Variants in CNOT9 observed in about 807,000 individuals in gnomAD.
The protein encoded by CNOT9 is RCD1 required for cell differentiation1 homolog.
Under a neutral mutation model 37.4 loss-of-function variants are expected in CNOT9, and 8 were observed. The ratio of observed to expected loss-of-function variants is 0.21; its 90% CI spans 0.13 to 0.39. CNOT9 has a LOEUF of 0.39. Among genes scored for constraint, CNOT9 ranks in the 10% least tolerant of loss-of-function variants. The pLI is 1.00. For missense variants in CNOT9, 154 were observed against 365.3 expected, an observed-to-expected ratio of 0.42 and a Z score of 4.71; for synonymous variants, 120 against 137.6, an observed-to-expected ratio of 0.87 and a Z score of 0.90.
At chr2:218,574,458 T>C (rs1671538469) in intron 1 of CNOT9, among the ~76,000 whole-genome samples, 1 of 152,218 alleles carries the variant, frequency 6.6e-6, no homozygotes, top group African/African-American at 2.4e-5. Flanking sequence ...AAGGGAATAT[T>C]AAATTTAAGA....
chr2:218,583,909 A>G (rs959956877), intron 3 of CNOT9, among the ~76,000 whole-genome samples: 1 of 152,250 alleles, frequency 6.6e-6, no homozygotes, highest in Non-Finnish European at 1.5e-5. Flanking sequence ...AACTGTTTTC[A>G]GAATGGTTTG....
intron 5 of CNOT9, among the ~76,000 whole-genome samples, chr2:218,588,762 A>G (rs1694682309): frequency 6.8e-6 from 1 of 146,228 alleles, no homozygotes; most frequent in Middle Eastern, 3.4e-3. Flanking sequence ...TTTAGTAGAG[A>G]TTGGGTTTTG....
chr2:218,593,641 G>C (rs759017946), intron 7 of CNOT9: 41 of 1,372,058 alleles, frequency 3.0e-5, no homozygotes, highest in Non-Finnish European at 3.9e-5. Flanking sequence ...CTCTTATTAA[G>C]GTTTTTAACC....
chr2:218,590,941 T>TCTTGACC (rs1694753299), intron 5 of CNOT9, among the ~76,000 whole-genome samples: 1 of 152,146 alleles, frequency 6.6e-6, no homozygotes, highest in Non-Finnish European at 1.5e-5. Context: ...TCCTCCCACC[T>TCTTGACC]TGGCCTCCCA....
chr2:218,576,307 A>G (rs947107524), intron 1 of CNOT9, among the ~76,000 whole-genome samples: 8 of 152,216 alleles, frequency 5.3e-5, no homozygotes, highest in African/African-American at 1.9e-4. Flanking sequence ...ATAACTCAAA[A>G]TATAAGAATA....
chr2:218,585,328 C>G (rs1026092310), intron 4 of CNOT9, among the ~76,000 whole-genome samples: 1 of 152,148 alleles, frequency 6.6e-6, no homozygotes, highest in Non-Finnish European at 1.5e-5. Flanking sequence ...ACCTGTAATT[C>G]TCCCATAACT....
At chr2:218,573,796 A>T (rs1403406418) in intron 1 of CNOT9, 2 of 231,588 alleles carry the variant, frequency 8.6e-6, no homozygotes, top group Non-Finnish European at 1.8e-5. Context: ...ACTTTGGTAA[A>T]TACCTTATCT....
intron 2 of CNOT9, chr2:218,581,170 C>CA (rs1559246155): frequency 1.2e-5 from 3 of 246,102 alleles, no homozygotes; most frequent in Non-Finnish European, 2.5e-5. Flanking sequence ...GTTTGTTTTT[C>CA]TTTTTTTTTT....
At chr2:218,584,837 G>A in intron 4 of CNOT9, 116 bp downstream of exon 4, 1 of 755,628 alleles carries the variant, frequency 1.3e-6, no homozygotes, top group Non-Finnish European at 2.4e-6. Flanking sequence ...TTGTCTTTGA[G>A]GTTGTCTCAT....
intron 1 of CNOT9, among the ~76,000 whole-genome samples, chr2:218,571,667 G>T (rs1034905410): frequency 6.6e-6 from 1 of 150,918 alleles, no homozygotes; most frequent in African/African-American, 2.4e-5. Flanking sequence ...CGCCTCCTGG[G>T]TTCAAGCAAT....
At chr2:218,584,774 A>T (rs373907787) in intron 4 of CNOT9, 53 bp downstream of exon 4, 1 of 1,289,198 alleles carries the variant, frequency 7.8e-7, no homozygotes. Context: ...TAGTAGTCTA[A>T]GTTGGGTGTT....
At chr2:218,583,765 A>G (rs1451138347) in intron 3 of CNOT9, among the ~76,000 whole-genome samples, 2 of 152,188 alleles carry the variant, frequency 1.3e-5, no homozygotes, top group African/African-American at 4.8e-5. Context: ...TTACTAAGAA[A>G]ATTACTTTTA....
chr2:218,593,725 TAA>T, intron 7 of CNOT9: 5 of 1,230,464 alleles, frequency 4.1e-6, no homozygotes, highest in South Asian at 2.7e-5. Flanking sequence ...TAAGTTATCA[TAA>T]GTTTGATGAT....
chr2:218,573,722 A>G (rs568634757), intron 1 of CNOT9: 1 of 154,434 alleles, frequency 6.5e-6, no homozygotes, highest in African/African-American at 2.4e-5. Flanking sequence ...ATCTTTCAGA[A>G]ATAGAAGACC....
At chr2:218,593,762 G>T in intron 7 of CNOT9, 2 of 1,204,380 alleles carry the variant, frequency 1.7e-6, no homozygotes, top group Non-Finnish European at 2.1e-6. Context: ...ACTGATTTTT[G>T]AATTATTTTA....
rs1694938931 is a variant in CNOT9, at chr2:218,596,869, C to T, written c.*2593C>T. The T allele has an allele frequency of 6.6e-6, 1 of 152,220 alleles. No homozygotes were observed. Among genetic ancestry groups the T allele is most frequent in the South Asian group, 2.1e-4 (1 of 4,830 alleles). The allele number at this position is 152,220 out of a possible 1,614,324, so 9.4% of individuals were successfully genotyped here. Reference sequence around the variant, plus strand: ...TTTCCATGCCTGGCTGTCAGTGGGACACAGCTGCCCTATGCTTCCACGTTC... The same window carrying T: ...TTTCCATGCCTGGCTGTCAGTGGGATACAGCTGCCCTATGCTTCCACGTTC... On this transcript the variant is annotated 3_prime_UTR_variant, in exon 8 of 8. Coordinates refer to ENST00000273064, the MANE Select transcript of CNOT9 (RefSeq NM_005444.3).
intron 3 of CNOT9, among the ~76,000 whole-genome samples, chr2:218,584,213 G>C (rs1305004439): frequency 6.6e-6 from 1 of 152,128 alleles, no homozygotes; most frequent in African/African-American, 2.4e-5. Context: ...CTTAACCACT[G>C]TGATCTGGAC....
chr2:218,593,651 C>T, intron 7 of CNOT9: 1 of 1,335,454 alleles, frequency 7.5e-7, no homozygotes, highest in Non-Finnish European at 9.7e-7. Context: ...GGTTTTTAAC[C>T]ATAAAACTGA....
chr2:218,589,323 G>GT (rs1259848935), intron 5 of CNOT9: 47 of 152,018 alleles, frequency 3.1e-4, no homozygotes, highest in Admixed American at 3.0e-3. Flanking sequence ...GTGAGCACTG[G>GT]TTTTTTAATT....
Sources: gnomAD v4.1 joint callset for allele counts (sites outside exome capture counted in the v4.1 genomes callset) on GRCh38, gnomAD v4.1.1 for gene constraint, MANE v1.5 for transcripts, NCBI Gene and HGNC (gene_info 2026-07-23, HGNC 2026-07-21) for gene names.